ANKRD30B: variants seen among roughly 807,000 people sequenced by gnomAD.
The protein encoded by ANKRD30B is ankyrin repeat domain 30B.
ANKRD30B carries 144 observed loss-of-function variants against 202.2 expected under a neutral mutation model. That is an observed-to-expected ratio of 0.71 (90% CI 0.62 to 0.82). ANKRD30B has a LOEUF of 0.82. Ranked by LOEUF, ANKRD30B falls within the 40% of genes least tolerant of loss-of-function variation. ANKRD30B has a pLI of 0.00. For missense variants in ANKRD30B, 1,487 were observed against 1,669.1 expected (o/e 0.89, Z 1.90); for synonymous variants, 508 against 561.3 (o/e 0.91, Z 1.34).
chr18:14,787,144 G>A lies in ANKRD30B; in HGVS notation c.1734+44G>A, dbSNP rs529395865. On this transcript the variant is annotated intron_variant, in intron 15 of 43. Transcript: ENST00000690538. Reference sequence around the variant, plus strand: ...TTTTTTAAATATTAGTATTGCATGAGATGAAAACATAAAATCAGATGCTTA... The same window carrying A: ...TTTTTTAAATATTAGTATTGCATGAAATGAAAACATAAAATCAGATGCTTA... 960 of 1,528,196 alleles carry A rather than the reference G, an allele frequency of 6.3e-4. 13 individuals are homozygous for A. In the South Asian group the frequency reaches 0.01, roughly 16 times the overall value. 94.7% of individuals were successfully genotyped at this position (1,528,196 alleles called of 1,614,324 possible).
chr18:14,908,570 C>T, the ANKRD30B span, among the ~76,000 whole-genome samples: 7 of 152,228 alleles, frequency 4.6e-5, no homozygotes, highest in African/African-American at 1.7e-4. Flanking sequence ...AACCCTCTCG[C>T]TCTGACCTCA....
chr18:14,852,071 A>G lies in ANKRD30B; in HGVS notation c.4127A>G (p.Asn1376Ser), dbSNP rs1427542280. Residue 1376 changes from asparagine to serine, a missense_variant, in exon 42 of 44, where the codon AAT becomes AGT. This residue lies in a region of ANKRD30B where 182 missense variants were observed against 216.0 expected (regional missense o/e 0.84). Transcript: ENST00000690538. ...LNYAGDDLRE[N>S]ALVSEHAQRD... Reference sequence around the variant, plus strand: ...TATGCAGGAGATGATCTAAGAGAAAATGCATTGGTTTCAGAACATGCACAA... The same window carrying G: ...TATGCAGGAGATGATCTAAGAGAAAGTGCATTGGTTTCAGAACATGCACAA... 6.2e-7 allele frequency: 1 copy of G among 1,609,978 alleles called. No homozygotes were observed. The highest frequency in any genetic ancestry group is 8.5e-7 in the Non-Finnish European group (1 of 1,177,578).
At chr18:14,791,368 A>G (rs767523299) in intron 15 of ANKRD30B, 33 bp from the exon 16 acceptor site, 21 of 1,537,690 alleles carry the variant, frequency 1.4e-5, no homozygotes, top group South Asian at 7.2e-5. Context: ...GGATTTTTTC[A>G]TTGAAATTAT....
intron 34 of ANKRD30B, among the ~76,000 whole-genome samples, chr18:14,836,376 G>A (rs570382507): frequency 6.6e-6 from 1 of 152,070 alleles, no homozygotes; most frequent in Admixed American, 6.5e-5. Flanking sequence ...CACTTCAACC[G>A]GCACTTCAAC....
At chr18:14,807,141 A>C (rs986369991) in intron 24 of ANKRD30B, among the ~76,000 whole-genome samples, 10 of 151,074 alleles carry the variant, frequency 6.6e-5, no homozygotes, top group Non-Finnish European at 1.0e-4. Flanking sequence ...TGATCAATCA[A>C]CTCCAAAGGA....
intron 14 of ANKRD30B, 65 bp from the exon 15 acceptor site, chr18:14,786,973 GT>G: frequency 1.4e-6 from 2 of 1,479,898 alleles, no homozygotes; most frequent in Non-Finnish European, 1.8e-6. Context: ...GTAGACTTGT[GT>G]ATGTTTTTAA....
the ANKRD30B span, among the ~76,000 whole-genome samples, chr18:14,940,610 TG>T: frequency 6.6e-6 from 1 of 152,176 alleles, no homozygotes; most frequent in Admixed American, 6.5e-5. Context: ...GGAACTTAAT[TG>T]CTCAAATAAT....
intron 7 of ANKRD30B, among the ~76,000 whole-genome samples, chr18:14,764,419 T>C (rs1915762980): frequency 6.6e-6 from 1 of 152,128 alleles, no homozygotes; most frequent in Non-Finnish European, 1.5e-5. Flanking sequence ...AGATGGAGTC[T>C]CGCACTGTTG....
chr18:14,916,011 A>G, the ANKRD30B span, among the ~76,000 whole-genome samples: 1 of 152,212 alleles, frequency 6.6e-6, no homozygotes, highest in African/African-American at 2.4e-5. Context: ...ACACCATTTT[A>G]TATTAGAAAT....
At chr18:14,784,129 A>G (rs1410605172) in intron 12 of ANKRD30B, among the ~76,000 whole-genome samples, 1 of 152,146 alleles carries the variant, frequency 6.6e-6, no homozygotes, top group Non-Finnish European at 1.5e-5. Flanking sequence ...TCTTAACTGC[A>G]TGATCTATGA....
chr18:14,772,395 T>C (rs1406008998), intron 9 of ANKRD30B, among the ~76,000 whole-genome samples, 167 bp downstream of exon 9: 2 of 152,068 alleles, frequency 1.3e-5, no homozygotes, highest in Non-Finnish European at 2.9e-5. Flanking sequence ...TTTTTTTTTT[T>C]TTTACTTTAG....
At chr18:14,911,717 T>C in the ANKRD30B span, among the ~76,000 whole-genome samples, 2 of 152,312 alleles carry the variant, frequency 1.3e-5, no homozygotes, top group South Asian at 4.1e-4. Flanking sequence ...CTTTGGGCTG[T>C]ATGGTCACTT....
chr18:14,869,976 CA>C, the ANKRD30B span, among the ~76,000 whole-genome samples: 1 of 151,646 alleles, frequency 6.6e-6, no homozygotes, highest in Non-Finnish European at 1.5e-5. Flanking sequence ...GCTGGTATTA[CA>C]GGCACGGGCC....
At chr18:14,916,484 T>C in the ANKRD30B span, among the ~76,000 whole-genome samples, 18 of 121,138 alleles carry the variant, frequency 1.5e-4, no homozygotes, top group African/African-American at 4.6e-4. Context: ...GAGAGGGAGA[T>C]GCCTCCAGCT....
chr18:14,873,524 CAAAAAAAAAAA>C, the ANKRD30B span, among the ~76,000 whole-genome samples: 20 of 90,652 alleles, frequency 2.2e-4, no homozygotes, highest in Admixed American at 3.7e-4. Context: ...GACTCCGTTT[CAAAAAAAAAAA>C]AAAAAAAAAA....
chr18:14,808,206 G>A (rs1360045298), intron 24 of ANKRD30B, among the ~76,000 whole-genome samples: 23 of 150,348 alleles, frequency 1.5e-4, no homozygotes, highest in African/African-American at 5.2e-4. Context: ...TTGGCGGGGG[G>A]TCATGACTTG....
At chr18:14,904,139 C>T in the ANKRD30B span, among the ~76,000 whole-genome samples, 1 of 152,344 alleles carries the variant, frequency 6.6e-6, no homozygotes, top group African/African-American at 2.4e-5. Flanking sequence ...GGGCATTGAC[C>T]TACTGTGTTT....
intron 16 of ANKRD30B, among the ~76,000 whole-genome samples, chr18:14,794,714 G>A (rs1373616285): frequency 2.6e-5 from 4 of 152,078 alleles, no homozygotes; most frequent in South Asian, 2.1e-4. Context: ...CCTGCAACAC[G>A]GTCATGCATA....
At chr18:14,876,864 G>A in the ANKRD30B span, among the ~76,000 whole-genome samples, 5 of 152,318 alleles carry the variant, frequency 3.3e-5, no homozygotes, top group East Asian at 9.6e-4. Context: ...AGGTTTTTAA[G>A]GTGAAGATTC....
Sources: allele counts gnomAD v4.1 joint callset (sites outside exome capture counted in the v4.1 genomes callset), GRCh38; gene constraint gnomAD v4.1.1; regional missense constraint gnomAD v4.1.1; transcripts MANE v1.5; gene names NCBI Gene and HGNC (gene_info 2026-07-23, HGNC 2026-07-21).